ICA1L: variants seen among roughly 807,000 people sequenced by gnomAD.
ICA1L encodes the protein islet cell autoantigen 1-like protein.
In ICA1L, 50 loss-of-function variants were observed where a neutral mutation model predicts 61.3. The observed-to-expected ratio is 0.82, with a 90% CI of 0.65 to 1.03. ICA1L has a LOEUF of 1.03. ICA1L is among the 50% of genes least tolerant of loss of function. ICA1L has a pLI of 0.00. For missense variants in ICA1L, 508 were observed against 556.7 expected, an observed-to-expected ratio of 0.91 and a Z score of 0.88; for synonymous variants, 161 against 191.3, an observed-to-expected ratio of 0.84 and a Z score of 1.31.
In ICA1L at chr2:202,773,715, T is replaced by C. The variant is rs1692126008; in HGVS notation, c.*5818A>G. On this transcript the variant is annotated 3_prime_UTR_variant, in exon 13 of 13. Transcript: ENST00000358299. ...AATATATACAGCATATTGACTCTAGTTGCATCAGTTATGCATGAAGAGTTT... is the reference window on the plus strand; with the variant it reads ...AATATATACAGCATATTGACTCTAGCTGCATCAGTTATGCATGAAGAGTTT... 3.6e-6 allele frequency: 4 copies of C among 1,110,104 alleles called. No homozygotes were observed. Among genetic ancestry groups the C allele is most frequent in the Non-Finnish European group, 5.5e-6 (4 of 733,318 alleles). The allele number at this position is 1,110,104 out of a possible 1,614,324, so 68.8% of individuals were successfully genotyped here. A position where few individuals can be genotyped will look rare whatever the true frequency, so the allele number is the denominator to read the frequency against.
chr2:202,811,919 C>T lies in ICA1L; in HGVS notation c.867-130G>A, dbSNP rs1264723032. On this transcript the variant is annotated intron_variant, in intron 8 of 12. Transcript: ENST00000358299. The stretch of plus-strand genomic sequence containing the variant: ...ACATAAAATCATTGTCCACTAGATC[C>T]CCTAAAATCTATATCTGGTGAATTT... 4 of 702,466 alleles carry T rather than the reference C, an allele frequency of 5.7e-6. No homozygotes were observed. In the East Asian group the frequency reaches 1.0e-4, roughly 18 times the overall value. The allele number at this position is 702,466 out of a possible 1,614,324, so 43.5% of individuals were successfully genotyped here. A position where few individuals can be genotyped will look rare whatever the true frequency, so the allele number is the denominator to read the frequency against.
chr2:202,856,252 C>A (rs528765749), intron 1 of ICA1L, among the ~76,000 whole-genome samples: 2 of 152,252 alleles, frequency 1.3e-5, no homozygotes, highest in African/African-American at 4.8e-5. Flanking sequence ...CAAACTGAAT[C>A]CAGCAGCATA....
rs1692159842 is a variant in ICA1L at position 202,774,556 on chromosome 2, A to G, written c.*4977T>C. 2.5e-6 allele frequency: 1 copy of G among 392,916 alleles called. No individual in the cohort carries two copies. Among genetic ancestry groups the G allele is most frequent in the Non-Finnish European group, 4.5e-6 (1 of 221,802 alleles). The allele number at this position is 392,916 out of a possible 1,614,324, so 24.3% of individuals were successfully genotyped here. The stretch of plus-strand genomic sequence containing the variant: ...GGAGAGACACAGGAAAAAAAGTTGT[A>G]ATATACTCACAGGTCCTAGAGAGAC... On this transcript the variant is annotated 3_prime_UTR_variant, in exon 13 of 13. Transcript: ENST00000358299.
At chr2:202,812,316 C>T (rs1462589265) in intron 8 of ICA1L, among the ~76,000 whole-genome samples, 2 of 152,184 alleles carry the variant, frequency 1.3e-5, no homozygotes, top group African/African-American at 4.8e-5. Context: ...TGGTGGCTCA[C>T]GCCTGTAATC....
At chr2:202,780,889 T>C (rs1379327813) in intron 12 of ICA1L, among the ~76,000 whole-genome samples, 1 of 152,116 alleles carries the variant, frequency 6.6e-6, no homozygotes, top group African/African-American at 2.4e-5. Flanking sequence ...TCTTGTCTCC[T>C]CATCTGTAAA....
chr2:202,811,683 T>G, intron 9 of ICA1L, 63 bp downstream of exon 9: 29 of 884,192 alleles, frequency 3.3e-5, no homozygotes, highest in Non-Finnish European at 4.3e-5. Context: ...AAAAAAAGGC[T>G]GTGATAAACT....
At chr2:202,803,414 A>AG (rs1253667357) in intron 9 of ICA1L, among the ~76,000 whole-genome samples, 3 of 151,498 alleles carry the variant, frequency 2.0e-5, no homozygotes, top group Admixed American at 6.6e-5. Context: ...AAAAAAAAAA[A>AG]AAAAAAAAAG....
intron 10 of ICA1L, among the ~76,000 whole-genome samples, chr2:202,791,174 C>A (rs912920188): frequency 6.6e-6 from 1 of 152,200 alleles, no homozygotes; most frequent in African/African-American, 2.4e-5. Context: ...AGAACTGTTT[C>A]TTTAAATGAG....
chr2:202,844,060 A>G (rs1410180913), intron 1 of ICA1L, among the ~76,000 whole-genome samples: 3 of 152,140 alleles, frequency 2.0e-5, no homozygotes, highest in African/African-American at 7.2e-5. Context: ...CCAGTTTGGG[A>G]CTATTGTAAA....
In ICA1L at chr2:202,836,017, C is replaced by G. The variant is rs190832030; in HGVS notation, c.-7-7001G>C. Among the ~76,000 whole-genome samples the G allele has an allele frequency of 5.9e-3, 905 of 152,228 alleles. 13 individuals are homozygous for G. Among genetic ancestry groups the G allele is most frequent in the South Asian group, 5.4e-3 (26 of 4,824 alleles). On this transcript the variant is annotated intron_variant, in intron 1 of 12. Coordinates refer to ENST00000358299, the MANE Select transcript of ICA1L (RefSeq NM_001288622.3). ...ATCTGAAAGCCTTTTATTTCTTTCTCTTGCCTAATTATTCTAGCTAGGAGT... is the reference window on the plus strand; with the variant it reads ...ATCTGAAAGCCTTTTATTTCTTTCTGTTGCCTAATTATTCTAGCTAGGAGT...
Position 202,862,761 on chromosome 2 carries a change from C to A in ICA1L, c.-8+8858G>T, listed in dbSNP as rs148047531. Among the ~76,000 whole-genome samples, 330 of 151,502 alleles carry A rather than the reference C, an allele frequency of 2.2e-3. 2 individuals are homozygous for A. The highest frequency in any genetic ancestry group is 7.5e-3 in the African/African-American group (311 of 41,280). On this transcript the variant is annotated intron_variant, in intron 1 of 12. Coordinates refer to ENST00000358299, the MANE Select transcript of ICA1L (RefSeq NM_001288622.3). ...CTGAGGCAGGAGAATCTCTTGAACC[C>A]GAGAGGCAGAGGTTGCAGTGAGTTG...
chr2:202,791,706 C>T (rs548327797), intron 10 of ICA1L, among the ~76,000 whole-genome samples: 18 of 151,326 alleles, frequency 1.2e-4, no homozygotes, highest in Non-Finnish European at 1.8e-4. Context: ...ATTAGCCAGG[C>T]GTGGTGGCGC....
chr2:202,840,461 G>GAGCCGAGGCCATAGCTGT, intron 1 of ICA1L: 2 of 502,480 alleles, frequency 4.0e-6, no homozygotes, highest in Admixed American at 4.4e-5. Flanking sequence ...GCCAAAGCTG[G>GAGCCGAGGCCATAGCTGT]AGCCGAGGCC....
rs752542009 is a variant in ICA1L at position 202,781,394 on chromosome 2, G to A, written c.1334-1746C>T. Reference sequence around the variant, plus strand: ...TCGAGACGAGCCTGGCCAACATGGTGAAACCCCTGTCTCTACTTAAAAAAA... The same window carrying A: ...TCGAGACGAGCCTGGCCAACATGGTAAAACCCCTGTCTCTACTTAAAAAAA... On this transcript the variant is annotated intron_variant, in intron 12 of 12. Coordinates refer to ENST00000358299, the MANE Select transcript of ICA1L (RefSeq NM_001288622.3). Among the ~76,000 whole-genome samples the A allele has an allele frequency of 2.0e-4, 30 of 151,706 alleles. 1 individual carries two copies. The highest frequency in any genetic ancestry group is 3.7e-4 in the Non-Finnish European group (25 of 67,954).
At chr2:202,847,220 G>C (rs1477783829) in intron 1 of ICA1L, among the ~76,000 whole-genome samples, 1 of 152,098 alleles carries the variant, frequency 6.6e-6, no homozygotes, top group Non-Finnish European at 1.5e-5. Context: ...TGTAAGAATG[G>C]CTATAAAGGC....
intron 1 of ICA1L, chr2:202,841,540 G>A: frequency 1.4e-6 from 1 of 720,748 alleles, no homozygotes; most frequent in Non-Finnish European, 2.6e-6. Context: ...CCACCTCCAG[G>A]TTAAGGGGGC....
intron 4 of ICA1L, 145 bp downstream of exon 4, chr2:202,821,213 A>G (rs1693693643): frequency 1.7e-6 from 1 of 578,896 alleles, no homozygotes; most frequent in Non-Finnish European, 2.8e-6. Context: ...ATTAAGAATT[A>G]GGTGTCACAA....
At chr2:202,798,305 A>G (rs1472532852) in intron 9 of ICA1L, among the ~76,000 whole-genome samples, 2 of 152,088 alleles carry the variant, frequency 1.3e-5, no homozygotes, top group East Asian at 3.9e-4. Context: ...AGAGCTCACT[A>G]CAGCCTCCAA....
At chr2:202,819,154 CTATT>C (rs1255716664) in intron 5 of ICA1L, among the ~76,000 whole-genome samples, 1 of 152,056 alleles carries the variant, frequency 6.6e-6, no homozygotes, top group African/African-American at 2.4e-5. Context: ...TATGGGTTCT[CTATT>C]TATGAAATGA....
Sources: gnomAD v4.1 joint callset for allele counts (sites outside exome capture counted in the v4.1 genomes callset) on GRCh38, gnomAD v4.1.1 for gene constraint, MANE v1.5 for transcripts, NCBI Gene and HGNC (gene_info 2026-07-23, HGNC 2026-07-21) for gene names.